The following ZNF333 variants were observed in gnomAD, a reference collection of about 807,000 sequenced individuals.
The protein encoded by ZNF333 is zinc finger protein 333.
In ZNF333, 61 loss-of-function variants were observed where a neutral mutation model predicts 76.1. That is an observed-to-expected ratio of 0.80 (90% CI 0.65 to 0.99). The LOEUF is 0.99. ZNF333 is among the 50% of genes least tolerant of loss of function. The pLI, the probability that ZNF333 is intolerant of heterozygous loss-of-function variation, is 0.00. For missense variants in ZNF333, 717 were observed against 822.4 expected, an observed-to-expected ratio of 0.87 and a Z score of 1.57; for synonymous variants, 284 against 305.0, an observed-to-expected ratio of 0.93 and a Z score of 0.72.
rs543536051 is a variant in ZNF333, at chr19:14,727,588, G to A, written c.901-3587G>A. Among the ~76,000 whole-genome samples, 17 of 152,088 alleles carry A rather than the reference G, an allele frequency of 1.1e-4. No homozygotes were observed. The South Asian group carries it at 2.7e-3, about 24-fold the overall frequency. ...AGGGATTACTAAACCATTCATGAGCGATTTGCCCCCATGATCCAACACCTC... is the reference window on the plus strand; with the variant it reads ...AGGGATTACTAAACCATTCATGAGCAATTTGCCCCCATGATCCAACACCTC... On this transcript the variant is annotated intron_variant, in intron 11 of 11. Coordinates refer to the ZNF333 transcript ENST00000540689.
chr19:14,699,564 GA>G (rs1238588858), intron 5 of ZNF333, among the ~76,000 whole-genome samples: 12 of 151,908 alleles, frequency 7.9e-5, no homozygotes, highest in Admixed American at 2.6e-4. Context: ...AGGATCGAGT[GA>G]TTTTCCTGCT....
chr19:14,699,204 G>A lies in ZNF333; in HGVS notation c.229G>A (p.Glu77Lys), dbSNP rs376237019. 1 of 1,613,366 alleles carries A rather than the reference G, an allele frequency of 6.2e-7. No individual in the cohort carries two copies. Among genetic ancestry groups the A allele is most frequent in the Non-Finnish European group, 8.5e-7 (1 of 1,179,718 alleles). The change falls in exon 5 of 12, where the codon GAA (glutamate) becomes AAA (lysine). Residue 77 changes from glutamate to lysine, a missense_variant. Coordinates refer to ENST00000292530, the MANE Select transcript of ZNF333 (RefSeq NM_032433.4). ...TTTTCTCCCATTCATTTCAGCCTGG[G>A]AATCTCAACTTAAACCCGAAGAGTT... ...GILRATGVAW[E>K]SQLKPEELPS...
At chr19:14,733,074 C>T (rs909087205) in exon 12 of ZNF333, 1 of 152,234 alleles carries the variant, frequency 6.6e-6, no homozygotes, top group Admixed American at 6.5e-5. Flanking sequence ...TGATATTCCC[C>T]ATCTCACCTT....
chr19:14,717,698 A>G lies in ZNF333; in HGVS notation c.865A>G (p.Thr289Ala). 1 of 1,614,116 alleles carries G rather than the reference A, an allele frequency of 6.2e-7. No individual in the cohort carries two copies. Among genetic ancestry groups the G allele is most frequent in the African/African-American group, 1.3e-5 (1 of 75,050 alleles). The change falls in exon 11 of 12, where the codon ACT becomes GCT. Residue 289 changes from threonine (T) to alanine (A), a missense_variant. Coordinates refer to ENST00000292530, the MANE Select transcript of ZNF333 (RefSeq NM_032433.4). ...CCAAGAGGCAATTCCTAGCCAAGAT[A>G]CTTTTACAGAGATCCTGTCCATTGA... ...QPQEAIPSQD[T>A]FTEILSIDVK...
chr19:14,695,305 T>C (rs935287349), intron 3 of ZNF333, among the ~76,000 whole-genome samples, 172 bp downstream of exon 3: 5 of 152,316 alleles, frequency 3.3e-5, no homozygotes, highest in African/African-American at 1.2e-4. Flanking sequence ...AAGGCCCTGT[T>C]TGGGTCTCCT....
At chr19:14,717,127 C>A in intron 10 of ZNF333, 38 bp downstream of exon 10, 2 of 1,545,462 alleles carry the variant, frequency 1.3e-6, no homozygotes, top group South Asian at 2.3e-5. Flanking sequence ...CAGCTCTGGT[C>A]AGTAAGGGGA....
chr19:14,719,066 A>T lies in ZNF333; in HGVS notation c.1739A>T (p.His580Leu). Residue 580 changes from histidine to leucine, a missense_variant, in exon 12 of 12, where the codon CAT becomes CTT. Transcript: ENST00000292530. ...AFSEPSSLRK[H>L]ARTHSGKKPY... The stretch of plus-strand genomic sequence containing the variant: ...AGTGAGCCCTCATCCCTCAGGAAAC[A>T]TGCAAGGACTCACAGTGGCAAGAAG... 1 of 1,614,206 alleles carries T rather than the reference A, an allele frequency of 6.2e-7. No homozygotes were observed. Among genetic ancestry groups the T allele is most frequent in the Non-Finnish European group, 8.5e-7 (1 of 1,180,034 alleles).
At chr19:14,706,165 T>A (rs1210348069) in intron 6 of ZNF333, 1 of 457,554 alleles carries the variant, frequency 2.2e-6, no homozygotes, top group Non-Finnish European at 4.4e-6. Flanking sequence ...GTTCTGCTCC[T>A]GACAGGCACC....
chr19:14,708,194 G>T (rs1190234347), intron 7 of ZNF333: 3 of 392,318 alleles, frequency 7.6e-6, no homozygotes, highest in African/African-American at 2.1e-5. Flanking sequence ...TTTTAGTAAA[G>T]ACGGGGTTTC....
intron 2 of ZNF333, 147 bp downstream of exon 2, chr19:14,693,641 A>G (rs1972933412): frequency 4.3e-6 from 4 of 930,078 alleles, no homozygotes; most frequent in South Asian, 2.3e-5. Context: ...TCCCTGCCCT[A>G]GGGGACCTAG....
At chr19:14,695,984 G>T (rs1973155607) in intron 4 of ZNF333, among the ~76,000 whole-genome samples, 1 of 152,164 alleles carries the variant, frequency 6.6e-6, no homozygotes, top group African/African-American at 2.4e-5. Flanking sequence ...TTCGAGACCA[G>T]CCTGGCCAAC....
At chr19:14,724,267 T>C (rs2042620415), downstream of ZNF333, among the ~76,000 whole-genome samples, 1 of 152,172 alleles carries the variant, frequency 6.6e-6, no homozygotes, top group Non-Finnish European at 1.5e-5. Context: ...ACACACACTT[T>C]AGAAGGGCTG....
At chr19:14,708,406 C>T (rs760502748) in intron 7 of ZNF333, 13 of 401,134 alleles carry the variant, frequency 3.2e-5, no homozygotes, top group Non-Finnish European at 4.9e-5. Context: ...ACCCCTCCTC[C>T]GTGGAGCTCA....
At chr19:14,711,146 G>T (rs573340163) in intron 7 of ZNF333, among the ~76,000 whole-genome samples, 1 of 152,332 alleles carries the variant, frequency 6.6e-6, no homozygotes, top group South Asian at 2.1e-4. Flanking sequence ...TTTGGTGTGA[G>T]TTTTGGAGGA....
At chr19:14,729,503 C>T (rs2042654621) in intron 11 of ZNF333, among the ~76,000 whole-genome samples, 1 of 152,034 alleles carries the variant, frequency 6.6e-6, no homozygotes, top group Admixed American at 6.6e-5. Flanking sequence ...GGACCACAGG[C>T]ATGCACCACC....
intron 1 of ZNF333, 116 bp from the exon 2 acceptor site, chr19:14,693,335 T>TA: frequency 7.6e-6 from 5 of 655,348 alleles, no homozygotes; most frequent in Admixed American, 3.2e-5. Flanking sequence ...ACATGTTGCT[T>TA]ATGGAGATAA....
rs760032008 is a variant in ZNF333 at position 14,719,226 on chromosome 19, C to T, written c.1899C>T (p.Leu633=). 6.2e-7 allele frequency: 1 copy of T among 1,614,252 alleles called. No individual in the cohort carries two copies. The highest frequency in any genetic ancestry group is 8.5e-7 in the Non-Finnish European group (1 of 1,180,038). ...CEKAFRHSSS[L]TVHKRTHVGR... Reference sequence around the variant, plus strand: ...AAGCCTTCAGGCACAGCTCCTCACTCACTGTACACAAAAGAACCCATGTGG... The same window carrying T: ...AAGCCTTCAGGCACAGCTCCTCACTTACTGTACACAAAAGAACCCATGTGG... The change falls in exon 12 of 12, where the codon CTC becomes CTT. Residue 633 remains leucine (L), a synonymous_variant. Transcript: ENST00000292530.
At chr19:14,705,243 A>T in intron 6 of ZNF333, 73 bp downstream of exon 6, 6 of 1,389,084 alleles carry the variant, frequency 4.3e-6, no homozygotes, top group South Asian at 1.2e-5. Flanking sequence ...GTTGTCTGTA[A>T]ATTGGGGGAG....
At chr19:14,731,165 C>T in intron 11 of ZNF333, 1 of 1,532,518 alleles carries the variant, frequency 6.5e-7, no homozygotes, top group Non-Finnish European at 8.7e-7. Flanking sequence ...CCTTATAATT[C>T]CCTTTTCAGC....
Sources: allele counts gnomAD v4.1 joint callset (sites outside exome capture counted in the v4.1 genomes callset), GRCh38; gene constraint gnomAD v4.1.1; transcripts MANE v1.5; gene names NCBI Gene and HGNC (gene_info 2026-07-23, HGNC 2026-07-21).